GALNT15: variants seen among roughly 807,000 people sequenced by gnomAD.
GALNT15 encodes the protein polypeptide N-acetylgalactosaminyltransferase 15.
A neutral mutation model predicts 66.8 loss-of-function variants in GALNT15; 67 were observed. The observed-to-expected ratio is 1.00, with a 90% CI of 0.82 to 1.23. The LOEUF is 1.23. GALNT15 is among the 50% of genes most tolerant of loss of function. The probability of loss-of-function intolerance (pLI) is 0.00; values close to 1 mark genes in which losing one functional copy is unlikely to be tolerated. For synonymous variants in GALNT15, 313 were observed against 311.5 expected, an observed-to-expected ratio of 1.00 and a Z score of -0.05; for missense variants, 827 against 804.3, an observed-to-expected ratio of 1.03 and a Z score of -0.34.
intron 8 of GALNT15, among the ~76,000 whole-genome samples, chr3:16,220,817 G>T (rs1401215158): frequency 1.3e-5 from 2 of 152,232 alleles, no homozygotes; most frequent in African/African-American, 2.4e-5. Flanking sequence ...GGCTGGGCTT[G>T]GCAGTGCAGG....
intron 6 of GALNT15, among the ~76,000 whole-genome samples, chr3:16,216,323 C>G (rs558517567): frequency 6.6e-6 from 1 of 152,046 alleles, no homozygotes; most frequent in African/African-American, 2.4e-5. Flanking sequence ...CATGGTGAAA[C>G]CTTGTGTCTA....
At chr3:16,179,449 A>G (rs1261834586) in intron 1 of GALNT15, among the ~76,000 whole-genome samples, 1 of 152,190 alleles carries the variant, frequency 6.6e-6, no homozygotes, top group African/African-American at 2.4e-5. Context: ...ACACGGGTCC[A>G]TGGGGAGACA....
At chr3:16,236,889 A>T (rs1325250278), downstream of GALNT15, among the ~76,000 whole-genome samples, 2 of 152,244 alleles carry the variant, frequency 1.3e-5, no homozygotes, top group Admixed American at 6.5e-5. Context: ...CTGCAATAAG[A>T]ACATGAACAT....
intron 3 of GALNT15, among the ~76,000 whole-genome samples, chr3:16,207,376 T>C (rs1203824309): frequency 3.3e-5 from 5 of 151,242 alleles, no homozygotes; most frequent in Non-Finnish European, 7.4e-5. Flanking sequence ...GGGGAGAAAA[T>C]GTGATTGAGA....
In GALNT15 at chr3:16,181,224, C is replaced by G. The variant is rs2063467243; in HGVS notation, c.539+5534C>G. ...AAATGTGCAGGTACATTGGAATTAT[C>G]TGGAAAGTCTTAAAAACTATTCATA... On this transcript the variant is annotated intron_variant, in intron 1 of 9. Coordinates refer to ENST00000339732, the MANE Select transcript of GALNT15 (RefSeq NM_054110.5). The surrounding 1 kb of genome is among the most constrained non-coding windows in gnomAD (Gnocchi z 5.9). Among the ~76,000 whole-genome samples, 1 of 152,162 alleles carries G rather than the reference C, an allele frequency of 6.6e-6. No homozygotes were observed. Among genetic ancestry groups the G allele is most frequent in the Non-Finnish European group, 1.5e-5 (1 of 68,040 alleles).
chr3:16,247,276 A>G, the GALNT15 span, among the ~76,000 whole-genome samples: 173 of 152,350 alleles, frequency 1.1e-3, 1 homozygote, highest in African/African-American at 3.9e-3. Flanking sequence ...TGTGCCTAAC[A>G]CTGTGCAAGG....
rs36127239 is a variant in GALNT15 at position 16,207,501 on chromosome 3, T to TAAAA, written c.912-963_912-960dup. Among the ~76,000 whole-genome samples, 177 of 39,848 alleles carry TAAAA rather than the reference T, an allele frequency of 4.4e-3. 1 individual carries two copies. The highest frequency in any genetic ancestry group is 6.1e-3 in the Non-Finnish European group (145 of 23,696). The allele number at this position is 39,848 out of a possible 152,430, so 26.1% of individuals were successfully genotyped here. On this transcript the variant is annotated intron_variant, in intron 3 of 9. Coordinates refer to ENST00000339732, the MANE Select transcript of GALNT15 (RefSeq NM_054110.5). ...ACTCTGCAGTCATATCTCCAGGCTG[T>TAAAA]AAAAAAAAAAAAAAAAAAAAAAAAA...
chr3:16,216,865 C>G (rs1397425901), intron 6 of GALNT15, among the ~76,000 whole-genome samples: 1 of 152,348 alleles, frequency 6.6e-6, no homozygotes, highest in East Asian at 1.9e-4. Context: ...TTGCCCAACT[C>G]CTGAGATCAT....
intron 9 of GALNT15, among the ~76,000 whole-genome samples, chr3:16,223,434 A>G (rs1050523429): frequency 1.3e-5 from 2 of 152,214 alleles, no homozygotes; most frequent in African/African-American, 4.8e-5. Context: ...TCCTGAAATG[A>G]GTTGGGGTAT....
In GALNT15 at chr3:16,228,803, A is replaced by G; in HGVS notation, c.*1303A>G. The G allele has an allele frequency of 1.0e-6, 1 of 985,438 alleles. No homozygotes were observed. The highest frequency in any genetic ancestry group is 1.7e-5 in the African/African-American group (1 of 57,360). The allele number at this position is 985,438 out of a possible 1,614,324, so 61.0% of individuals were successfully genotyped here. A position where few individuals can be genotyped will look rare whatever the true frequency, so the allele number is the denominator to read the frequency against. ...TATGACAGGTAACATTTGGGTGTTA[A>G]TGTCCATGAGAGCTGACAGGGCCAT... On this transcript the variant is annotated 3_prime_UTR_variant, in exon 10 of 10. Transcript: ENST00000339732.
the GALNT15 span, among the ~76,000 whole-genome samples, chr3:16,242,770 C>A: frequency 1.3e-5 from 2 of 151,886 alleles, no homozygotes; most frequent in South Asian, 2.1e-4. The surrounding 1 kb of genome is among the most constrained non-coding windows in gnomAD (Gnocchi z 5.6). Context: ...CAAAGAGAGA[C>A]CCTGTCTCAA....
In GALNT15 at chr3:16,200,181, C is replaced by T. The variant is rs914994196; in HGVS notation, c.707-438C>T. 1.3e-5 allele frequency among the ~76,000 whole-genome samples: 2 copies of T among 152,132 alleles called. No homozygotes were observed. Among genetic ancestry groups the T allele is most frequent in the African/African-American group, 4.8e-5 (2 of 41,410 alleles). ...AATCATCAGATCTCATGAGAACTCA[C>T]TATCACGAGAACAGCATGGGGGAAA... On this transcript the variant is annotated intron_variant, in intron 2 of 9. Coordinates refer to ENST00000339732, the MANE Select transcript of GALNT15 (RefSeq NM_054110.5). The surrounding 1 kb of genome is among the most constrained non-coding windows in gnomAD (Gnocchi z 4.4).
At chr3:16,216,954 T>A (rs867128061) in intron 6 of GALNT15, among the ~76,000 whole-genome samples, 1,697 of 152,276 alleles carry the variant, frequency 0.011, 37 homozygotes, top group African/African-American at 0.039. Flanking sequence ...TGCAACTAAT[T>A]ATTATTTTAG....
Position 16,222,599 on chromosome 3 carries a change from A to G in GALNT15, c.1630-16A>G, listed in dbSNP as rs150126663. The G allele has an allele frequency of 5.4e-4, 879 of 1,614,064 alleles. 3 individuals carry two copies. In the African/African-American group the frequency reaches 0.01, roughly 19 times the overall value. ...TCTCTTTCTAGCTGCGCTAACAACT[A>G]TTGCTTCTGTCACAGTACCTGCAGC... is the stretch of plus-strand genomic sequence containing the variant. On this transcript the variant is annotated splice_polypyrimidine_tract_variant and intron_variant, in intron 8 of 9. Coordinates refer to ENST00000339732, the MANE Select transcript of GALNT15 (RefSeq NM_054110.5).
intron 4 of GALNT15, 45 bp downstream of exon 4, chr3:16,208,715 T>G (rs2063783484): frequency 1.9e-6 from 3 of 1,584,030 alleles, no homozygotes; most frequent in Middle Eastern, 1.9e-4. Context: ...CTCCTCAGGA[T>G]GGACTCTGCA....
chr3:16,200,661 AG>A lies in GALNT15; in HGVS notation c.754del (p.Val252Ter). 1 of 1,598,848 alleles carries A rather than the reference AG, an allele frequency of 6.3e-7. No homozygotes were observed. The highest frequency in any genetic ancestry group is 8.5e-7 in the Non-Finnish European group (1 of 1,172,324). Reference sequence around the variant, plus strand: ...CTCAGCGAATATGTGGCCAGGCTGGAGGGGGTGAAGTTACTCAGGAGCAACA... The same window carrying A: ...CTCAGCGAATATGTGGCCAGGCTGGAGGGGTGAAGTTACTCAGGAGCAACA... ...SALSEYVARL[E>X]GVKLLRSNKR... On this transcript the variant is annotated frameshift_variant, in exon 3 of 10. Coordinates refer to ENST00000339732, the MANE Select transcript of GALNT15 (RefSeq NM_054110.5). LOFTEE classifies it high-confidence loss of function. This position sits in a 1 kb window ranked among gnomAD's most constrained non-coding sequence, Gnocchi z 4.4.
downstream of GALNT15, among the ~76,000 whole-genome samples, chr3:16,230,875 G>A (rs2064075494): frequency 6.6e-6 from 1 of 152,158 alleles, no homozygotes; most frequent in Non-Finnish European, 1.5e-5. This position sits in a 1 kb window ranked among gnomAD's most constrained non-coding sequence, Gnocchi z 4.5. Context: ...CAGAATTCTA[G>A]ACCCCTCTAC....
At position 16,203,702 on chromosome 3, in the gene GALNT15, T is replaced by C. The variant is rs1409999209; in HGVS notation, c.911+2879T>C. On this transcript the variant is annotated intron_variant, in intron 3 of 9. Coordinates refer to ENST00000339732, the MANE Select transcript of GALNT15 (RefSeq NM_054110.5). The surrounding 1 kb of genome is among the most constrained non-coding windows in gnomAD (Gnocchi z 6.2). Reference sequence around the variant, plus strand: ...TCTACACCTCATTCATGGCTTCTTGTCCACTGTGTTTTCTCTGGGCCCTAG... The same window carrying C: ...TCTACACCTCATTCATGGCTTCTTGCCCACTGTGTTTTCTCTGGGCCCTAG... Among the ~76,000 whole-genome samples, 1 of 152,102 alleles carries C rather than the reference T, an allele frequency of 6.6e-6. No individual in the cohort carries two copies. Among genetic ancestry groups the C allele is most frequent in the Non-Finnish European group, 1.5e-5 (1 of 68,022 alleles).
chr3:16,197,437 C>CAA (rs2063650339), intron 2 of GALNT15, among the ~76,000 whole-genome samples: 1 of 152,196 alleles, frequency 6.6e-6, no homozygotes, highest in African/African-American at 2.4e-5. Flanking sequence ...TTCTGCAGGT[C>CAA]CCTCTCCTCT....
Sources: gnomAD v4.1 joint callset for allele counts (sites outside exome capture counted in the v4.1 genomes callset) on GRCh38, gnomAD v4.1.1 for gene constraint, Gnocchi (gnomAD v3.1) non-coding constraint, MANE v1.5 for transcripts, NCBI Gene and HGNC (gene_info 2026-07-23, HGNC 2026-07-21) for gene names.